TGDS: variants seen among roughly 807,000 people sequenced by gnomAD.
TGDS encodes the protein UDP-D-glucose 4,6-dehydratase.
Under a neutral mutation model 52.3 loss-of-function variants are expected in TGDS, and 47 were observed. The observed-to-expected ratio is 0.90, with a 90% CI of 0.71 to 1.15. TGDS has a LOEUF of 1.15. TGDS is among the 50% of genes most tolerant of loss of function. TGDS has a pLI of 0.00. For missense variants in TGDS, 375 were observed against 418.4 expected (o/e 0.90, Z 0.90); for synonymous variants, 115 against 136.9 (o/e 0.84, Z 1.12).
At chr13:94,586,091 T>A (rs1888970972) in intron 4 of TGDS, among the ~76,000 whole-genome samples, 1 of 152,188 alleles carries the variant, frequency 6.6e-6, no homozygotes, top group African/African-American at 2.4e-5. Context: ...AATAATTCTT[T>A]TTTTTAAAAA....
intron 4 of TGDS, among the ~76,000 whole-genome samples, chr13:94,587,136 T>C (rs1889018624): frequency 6.6e-6 from 1 of 151,028 alleles, no homozygotes; most frequent in Non-Finnish European, 1.5e-5. Flanking sequence ...AACCAGTATT[T>C]AGAAGTAAAT....
Position 94,574,842 on chromosome 13 carries a change from G to C in TGDS, c.993C>G (p.Tyr331Ter). The change falls in exon 12 of 12, where the codon TAC becomes TAG. Residue 331 changes from tyrosine (Y) to a stop codon, truncating the protein, a stop_gained. Coordinates refer to ENST00000261296, the MANE Select transcript of TGDS (RefSeq NM_014305.4). LOFTEE classifies it high-confidence loss of function. ...KEGIKKTIEW[Y>*]RENFHNWKNV... ...TCTTCCAGTTGTGAAAATTCTCTCT[G>C]TACCATTCAACTAATAGGAAAAAAC... is the stretch of plus-strand genomic sequence containing the variant. 1 of 1,572,682 alleles carries C rather than the reference G, an allele frequency of 6.4e-7. No homozygotes were observed. Among genetic ancestry groups the C allele is most frequent in the Non-Finnish European group, 8.7e-7 (1 of 1,152,754 alleles).
In TGDS at chr13:94,577,448, C is replaced by A; in HGVS notation, c.826-19G>T. On this transcript the variant is annotated intron_variant, in intron 9 of 11. Coordinates refer to ENST00000261296, the MANE Select transcript of TGDS (RefSeq NM_014305.4). ...CTTTGATCTGTCAAAATGGAAAAAGCTTTTGAGTCAAATTATAAAATGAGA... is the reference window on the plus strand; with the variant it reads ...CTTTGATCTGTCAAAATGGAAAAAGATTTTGAGTCAAATTATAAAATGAGA... 6.5e-7 allele frequency: 1 copy of A among 1,540,886 alleles called. No individual in the cohort carries two copies. The highest frequency in any genetic ancestry group is 1.3e-5 in the South Asian group (1 of 78,946).
intron 4 of TGDS, among the ~76,000 whole-genome samples, chr13:94,588,948 T>C (rs565591655): frequency 1.3e-5 from 2 of 152,298 alleles, no homozygotes; most frequent in South Asian, 4.1e-4. Context: ...TGGAAAAACA[T>C]GAAATTGGGG....
intron 9 of TGDS, among the ~76,000 whole-genome samples, chr13:94,577,783 T>C (rs1888649574): frequency 6.6e-6 from 1 of 152,232 alleles, no homozygotes; most frequent in African/African-American, 2.4e-5. Context: ...TATGCAGAAA[T>C]ATAATTAGGG....
At chr13:94,592,353 T>A in intron 2 of TGDS, 44 bp from the exon 3 acceptor site, 1 of 1,484,210 alleles carries the variant, frequency 6.7e-7, no homozygotes, top group Non-Finnish European at 9.2e-7. Flanking sequence ...AAAAGTGACA[T>A]TAGCTTTTCC....
At chr13:94,585,110 C>G (rs567663393) in intron 4 of TGDS, among the ~76,000 whole-genome samples, 1 of 151,678 alleles carries the variant, frequency 6.6e-6, no homozygotes, top group Non-Finnish European at 1.5e-5. Context: ...AGTGTAGTGG[C>G]GCAATCTCAG....
rs1888528157 is a variant in TGDS, at chr13:94,574,531, G to A, written c.*251C>T. 5.3e-6 allele frequency: 2 copies of A among 377,868 alleles called. No individual in the cohort carries two copies. The highest frequency in any genetic ancestry group is 9.2e-5 in the East Asian group (2 of 21,646). The allele number at this position is 377,868 out of a possible 1,614,324, so 23.4% of individuals were successfully genotyped here. On this transcript the variant is annotated 3_prime_UTR_variant, in exon 12 of 12. Coordinates refer to ENST00000261296, the MANE Select transcript of TGDS (RefSeq NM_014305.4). The stretch of plus-strand genomic sequence containing the variant: ...TTCTTCCTGGCTACCCTTAGGGAGA[G>A]TCTTCTACACCTATTATTTCCTAGT...
chr13:94,575,418 T>C (rs1164345394), intron 11 of TGDS, among the ~76,000 whole-genome samples: 3 of 150,552 alleles, frequency 2.0e-5, no homozygotes, highest in Non-Finnish European at 4.4e-5. Flanking sequence ...CCCTCCTAAA[T>C]AGCTAGGACT....
chr13:94,589,790 G>A (rs1889127135), intron 4 of TGDS, among the ~76,000 whole-genome samples: 1 of 152,148 alleles, frequency 6.6e-6, no homozygotes, highest in Non-Finnish European at 1.5e-5. Flanking sequence ...ACTAAGATTT[G>A]GTGATATCTG....
intron 4 of TGDS, among the ~76,000 whole-genome samples, chr13:94,583,827 G>T (rs531254938): frequency 1.3e-5 from 2 of 152,110 alleles, no homozygotes; most frequent in African/African-American, 4.8e-5. Context: ...AGAGATAAAG[G>T]GTTAGTATCG....
chr13:94,593,169 G>A (rs770658515), intron 2 of TGDS, among the ~76,000 whole-genome samples: 3 of 151,966 alleles, frequency 2.0e-5, no homozygotes, highest in Non-Finnish European at 4.4e-5. Context: ...AAAAAAAAAT[G>A]TTCATGCCAA....
intron 1 of TGDS, among the ~76,000 whole-genome samples, chr13:94,595,506 T>C (rs945365972): frequency 1.3e-5 from 2 of 152,028 alleles, no homozygotes; most frequent in Non-Finnish European, 2.9e-5. Flanking sequence ...ACAGTAAACA[T>C]GGGCTAGGGT....
rs531319099 is a variant in TGDS, at chr13:94,578,186, G to A, written c.660-16C>T. On this transcript the variant is annotated splice_polypyrimidine_tract_variant and intron_variant, in intron 8 of 11. Transcript: ENST00000261296. ...ATGAATGCAACTAAAGAGATTAAAC[G>A]AAGTGAAATCATAAAGTGTAAAAAG... 3.7e-6 allele frequency: 6 copies of A among 1,611,176 alleles called. No homozygotes were observed. The highest frequency in any genetic ancestry group is 3.3e-5 in the South Asian group (3 of 90,360).
At chr13:94,590,491 A>G (rs1048108880) in intron 4 of TGDS, among the ~76,000 whole-genome samples, 1 of 152,092 alleles carries the variant, frequency 6.6e-6, no homozygotes, top group African/African-American at 2.4e-5. Flanking sequence ...CTGTCAAATT[A>G]TTAGAAAATA....
At chr13:94,575,490 A>G (rs1313354768) in intron 11 of TGDS, among the ~76,000 whole-genome samples, 1 of 151,688 alleles carries the variant, frequency 6.6e-6, no homozygotes, top group Non-Finnish European at 1.5e-5. Context: ...GGGTCTCGCT[A>G]TATTTCCCAG....
chr13:94,581,894 T>C (rs1325974641), intron 5 of TGDS, among the ~76,000 whole-genome samples: 1 of 152,148 alleles, frequency 6.6e-6, no homozygotes, highest in Admixed American at 6.5e-5. Flanking sequence ...TTATGCATGA[T>C]TTATTTTAAA....
intron 1 of TGDS, 60 bp downstream of exon 1, chr13:94,595,991 T>A (rs1283744450): frequency 6.2e-7 from 1 of 1,601,858 alleles, no homozygotes; most frequent in Non-Finnish European, 8.6e-7. Flanking sequence ...CAAGCAGAGC[T>A]GCGGGAAAAG....
At chr13:94,584,802 T>C (rs1447305672) in intron 4 of TGDS, among the ~76,000 whole-genome samples, 8 of 152,186 alleles carry the variant, frequency 5.3e-5, no homozygotes, top group African/African-American at 1.4e-4. Context: ...AGGAAGCAAC[T>C]AGAAGAGCCT....
Sources: gnomAD v4.1 joint callset for allele counts (sites outside exome capture counted in the v4.1 genomes callset) on GRCh38, gnomAD v4.1.1 for gene constraint, MANE v1.5 for transcripts, NCBI Gene and HGNC (gene_info 2026-07-23, HGNC 2026-07-21) for gene names.